Variants in TASOR observed in about 807,000 individuals in gnomAD.
The protein encoded by TASOR is protein TASOR.
A neutral mutation model predicts 178.6 loss-of-function variants in TASOR; 53 were observed. That is an observed-to-expected ratio of 0.30 (90% CI 0.24 to 0.37). TASOR has a LOEUF of 0.37. Ranked by LOEUF, TASOR falls within the 10% of genes least tolerant of loss-of-function variation. The pLI is 1.00. For synonymous variants in TASOR, 713 were observed against 696.2 expected (o/e 1.02, Z -0.38); for missense variants, 1,815 against 1,971.4 (o/e 0.92, Z 1.50).
rs572810663 is a variant in TASOR, at chr3:56,682,781, C to A, written c.226G>T (p.Asp76Tyr). 24 of 1,550,510 alleles carry A rather than the reference C, an allele frequency of 1.5e-5. No individual in the cohort carries two copies. The East Asian group carries it at 5.4e-4, about 35-fold the overall frequency. Reference sequence around the variant, plus strand: ...GCGGCCGCGCCCGCCTCAGAGGAGTCCTGAGGCTGCTCGTGGCTGAGGCTC... The same window carrying A: ...GCGGCCGCGCCCGCCTCAGAGGAGTACTGAGGCTGCTCGTGGCTGAGGCTC... The part of the protein sequence containing the change: ...AQSLSHEQPQ[D>Y]SSEAGAAALP... The change falls in exon 1 of 24, where the codon GAC becomes TAC. Residue 76 changes from aspartate (D) to tyrosine (Y), a missense_variant. By Grantham distance (160) the Asp-to-Tyr change is radical. Around this residue, in one of 5 missense-constraint regions of TASOR, gnomAD observed 244 missense variants for 202.7 expected, o/e 1.20. Coordinates refer to ENST00000683822, the MANE Select transcript of TASOR (RefSeq NM_001365635.2).
intron 13 of TASOR, among the ~76,000 whole-genome samples, 153 bp from the exon 14 acceptor site, chr3:56,647,376 T>C (rs1160503693): frequency 1.3e-5 from 2 of 152,084 alleles, no homozygotes; most frequent in Non-Finnish European, 2.9e-5. Context: ...ATATACAATA[T>C]AGCAAATATA....
At chr3:56,674,823 A>G (rs1196338358) in intron 1 of TASOR, among the ~76,000 whole-genome samples, 1 of 152,170 alleles carries the variant, frequency 6.6e-6, no homozygotes, top group Non-Finnish European at 1.5e-5. Context: ...GCATAGTAGG[A>G]CATTGTTTGT....
In TASOR at chr3:56,670,154, A is replaced by G. The variant is rs1231739707; in HGVS notation, c.571-9T>C. The stretch of plus-strand genomic sequence containing the variant: ...TCACATATGGTTTGAACCTAAATTT[A>G]AAAAAAAATACTTCATCTTGCAGTC... On this transcript the variant is annotated splice_polypyrimidine_tract_variant and intron_variant, in intron 3 of 23. Coordinates refer to ENST00000683822, the MANE Select transcript of TASOR (RefSeq NM_001365635.2). 2.3e-6 allele frequency: 3 copies of G among 1,319,628 alleles called. No homozygotes were observed. The highest frequency in any genetic ancestry group is 2.6e-5 in the Admixed American group (1 of 37,946). 81.7% of individuals were successfully genotyped at this position (1,319,628 alleles called of 1,614,324 possible).
At chr3:56,623,961 G>C in intron 23 of TASOR, 1 of 767,444 alleles carries the variant, frequency 1.3e-6, no homozygotes, top group Non-Finnish European at 2.0e-6. Flanking sequence ...GATCATTTCT[G>C]CTTTTTTTCA....
rs1254690638 is a variant in TASOR at position 56,633,629 on chromosome 3, T to C, written c.3162A>G (p.Thr1054=). ...CGGAAAGCCGTTTCATCTTCTCTTG[T>C]GTTGAAAAGATAGGTGTGGAAACTG... ...VSTVSTPIFS[T]QEKMKRLSEF... is the part of the protein sequence containing the mutation. Residue 1054 remains threonine, a synonymous_variant, in exon 18 of 24, where the codon ACA becomes ACG. Transcript: ENST00000683822. 6.2e-7 allele frequency: 1 copy of C among 1,613,940 alleles called. No individual in the cohort carries two copies. The highest frequency in any genetic ancestry group is 8.5e-7 in the Non-Finnish European group (1 of 1,179,956).
Position 56,662,474 on chromosome 3 carries a change from G to A in TASOR, c.1071C>T (p.Thr357=), listed in dbSNP as rs2077618873. Residue 357 remains threonine (T), a synonymous_variant, in exon 9 of 24, where the codon ACC becomes ACT. Transcript: ENST00000683822. The part of the protein sequence containing the change: ...TDRNIDKYNY[T]LWKGQLLNKG... ...TATTTAAAAGCTGTCCTTTCCACAA[G>A]GTATAGTTATATTTATCTAAATAAA... 1 of 1,509,236 alleles carries A rather than the reference G, an allele frequency of 6.6e-7. No individual in the cohort carries two copies. The highest frequency in any genetic ancestry group is 1.2e-5 in the South Asian group (1 of 81,424). The allele number at this position is 1,509,236 out of a possible 1,614,324, so 93.5% of individuals were successfully genotyped here. A position where few individuals can be genotyped will look rare whatever the true frequency, so the allele number is the denominator to read the frequency against.
chr3:56,683,241 T>G lies in TASOR; in HGVS notation c.-235A>C. ...TCCTCCCTCGGGCAGTTCTTCTGCC[T>G]TCCCCCGCCACTCAACGTGCGCGCG... On this transcript the variant is annotated 5_prime_UTR_variant, in exon 1 of 24. Transcript: ENST00000683822. 2.3e-6 allele frequency: 1 copy of G among 432,158 alleles called. No homozygotes were observed. The highest frequency in any genetic ancestry group is 4.1e-6 in the Non-Finnish European group (1 of 245,874). The allele number at this position is 432,158 out of a possible 1,614,324, so 26.8% of individuals were successfully genotyped here.
intron 19 of TASOR, among the ~76,000 whole-genome samples, chr3:56,628,165 G>A (rs1267552822): frequency 6.6e-6 from 1 of 152,196 alleles, no homozygotes. Context: ...GACTGGTCTG[G>A]CAAAGATGGA....
intron 18 of TASOR, among the ~76,000 whole-genome samples, chr3:56,629,837 G>A (rs1657931972): frequency 6.6e-6 from 1 of 152,188 alleles, no homozygotes; most frequent in Non-Finnish European, 1.5e-5. Context: ...TTACCCCAAA[G>A]AGGATGCTGT....
chr3:56,678,502 G>GT (rs2031522804), intron 1 of TASOR, among the ~76,000 whole-genome samples: 1 of 151,926 alleles, frequency 6.6e-6, no homozygotes, highest in African/African-American at 2.4e-5. Flanking sequence ...TTTGAAGGTT[G>GT]TATTTATAAA....
chr3:56,639,337 C>T (rs1008873317), intron 16 of TASOR, among the ~76,000 whole-genome samples: 1 of 151,418 alleles, frequency 6.6e-6, no homozygotes, highest in South Asian at 2.1e-4. Context: ...AAGTGAGTAA[C>T]AACTTGGAAT....
chr3:56,676,748 A>C (rs1484794911), intron 1 of TASOR, among the ~76,000 whole-genome samples: 1 of 152,198 alleles, frequency 6.6e-6, no homozygotes, highest in Non-Finnish European at 1.5e-5. Flanking sequence ...GTAAGTAAAA[A>C]ATTAGTCAAA....
Position 56,623,458 on chromosome 3 carries a change from T to C in TASOR, c.4592A>G (p.Lys1531Arg), listed in dbSNP as rs1312950401. 1.2e-6 allele frequency: 2 copies of C among 1,613,506 alleles called. No homozygotes were observed. Among genetic ancestry groups the C allele is most frequent in the Non-Finnish European group, 1.7e-6 (2 of 1,180,000 alleles). ...CSNFHSEIWE[K>R]ETKGSRGTDQ... Reference sequence around the variant, plus strand: ...TGTTCCACGTGATCCTTTGGTCTCTTTCTCCCATATTTCTGAATGAAAATT... The same window carrying C: ...TGTTCCACGTGATCCTTTGGTCTCTCTCTCCCATATTTCTGAATGAAAATT... Residue 1531 changes from lysine to arginine, a missense_variant, in exon 24 of 24, where the codon AAA (lysine) becomes AGA (arginine). Physicochemically the swap from Lys to Arg is conservative, Grantham distance 26. This residue lies in a region of TASOR where 278 missense variants were observed against 257.1 expected (regional missense o/e 1.08). Transcript: ENST00000683822.
intron 5 of TASOR, among the ~76,000 whole-genome samples, chr3:56,669,365 T>C (rs1337307790): frequency 5.3e-5 from 8 of 152,044 alleles, no homozygotes; most frequent in African/African-American, 1.9e-4. Flanking sequence ...TAGCCGGGCT[T>C]GGTGGCGGGC....
chr3:56,622,315 A>G lies in TASOR; in HGVS notation c.*722T>C, dbSNP rs1037182746. On this transcript the variant is annotated 3_prime_UTR_variant, in exon 24 of 24. Coordinates refer to ENST00000683822, the MANE Select transcript of TASOR (RefSeq NM_001365635.2). Reference sequence around the variant, plus strand: ...AAGACCACCTCAAAAATATATTCCCATTATACTTCCATTTTGCTAAAACTA... The same window carrying G: ...AAGACCACCTCAAAAATATATTCCCGTTATACTTCCATTTTGCTAAAACTA... 6.6e-6 allele frequency: 1 copy of G among 152,142 alleles called. No homozygotes were observed. Among genetic ancestry groups the G allele is most frequent in the Admixed American group, 6.6e-5 (1 of 15,258 alleles). 9.4% of individuals were successfully genotyped at this position (152,142 alleles called of 1,614,324 possible). A position where few individuals can be genotyped will look rare whatever the true frequency, so the allele number is the denominator to read the frequency against.
At chr3:56,668,255 G>GA in intron 6 of TASOR, 142 bp downstream of exon 6, 1 of 721,176 alleles carries the variant, frequency 1.4e-6, no homozygotes, top group African/African-American at 1.8e-5. Flanking sequence ...AGCAGCAACA[G>GA]ACACTGGAGT....
At position 56,638,772 on chromosome 3, in the gene TASOR, G is replaced by C; in HGVS notation, c.2765-7C>G. 6.2e-7 allele frequency: 1 copy of C among 1,613,970 alleles called. No homozygotes were observed. Among genetic ancestry groups the C allele is most frequent in the Non-Finnish European group, 8.5e-7 (1 of 1,179,934 alleles). On this transcript the variant is annotated splice_region_variant and splice_polypyrimidine_tract_variant and intron_variant, in intron 16 of 23. Coordinates refer to ENST00000683822, the MANE Select transcript of TASOR (RefSeq NM_001365635.2). ...GGGCTTCTTGCATTCCCTCCTGAGG[G>C]AAAGCATCCATTAGACTCTCTTCAG...
chr3:56,671,573 T>A, intron 3 of TASOR, 27 bp downstream of exon 3: 1 of 1,477,704 alleles, frequency 6.8e-7, no homozygotes, highest in Non-Finnish European at 9.2e-7. Context: ...ATCCCCAAAT[T>A]GTTTTTTATA....
In TASOR at chr3:56,633,241, G is replaced by C. The variant is rs756191955; in HGVS notation, c.3550C>G (p.Arg1184Gly). 1 of 1,614,006 alleles carries C rather than the reference G, an allele frequency of 6.2e-7. No individual in the cohort carries two copies. Residue 1184 changes from arginine to glycine, a missense_variant, in exon 18 of 24, where the codon CGG becomes GGG. By Grantham distance (125) the Arg-to-Gly change is moderately radical. This residue lies in a region of TASOR where 655 missense variants were observed against 671.1 expected (regional missense o/e 0.98). Coordinates refer to ENST00000683822, the MANE Select transcript of TASOR (RefSeq NM_001365635.2). ...SDHIVPGDMA[R>G]EPVEETTKSP... ...TTTGTTGTTTCTTCTACTGGTTCCC[G>C]GGCCATATCACCAGGTACAATATGA...
Sources: allele counts gnomAD v4.1 joint callset (sites outside exome capture counted in the v4.1 genomes callset), GRCh38; gene constraint gnomAD v4.1.1; regional missense constraint gnomAD v4.1.1; transcripts MANE v1.5; gene names NCBI Gene and HGNC (gene_info 2026-07-23, HGNC 2026-07-21).